SH2D4B: variants seen among roughly 807,000 people sequenced by gnomAD.
SH2D4B encodes the protein SH2 domain containing 4B.
Under a neutral mutation model 61.5 loss-of-function variants are expected in SH2D4B, and 45 were observed. The observed-to-expected ratio is 0.73, with a 90% CI of 0.58 to 0.94. The LOEUF (loss-of-function observed/expected upper bound fraction) is 0.94, where lower values mean the gene tolerates loss of function less well. Ranked by LOEUF, SH2D4B falls within the 40% of genes least tolerant of loss-of-function variation. The pLI is 0.00. For missense variants in SH2D4B, 572 were observed against 574.2 expected (o/e 1.00, Z 0.04); for synonymous variants, 224 against 220.4 (o/e 1.02, Z -0.14).
chr10:80,637,196 G>T (rs1358301741), intron 7 of SH2D4B, among the ~76,000 whole-genome samples: 19 of 152,306 alleles, frequency 1.2e-4, no homozygotes, highest in Non-Finnish European at 2.5e-4. Context: ...CTGTAGCCTT[G>T]TTGTATAGTT....
At chr10:80,616,081 A>G (rs1452057485) in intron 6 of SH2D4B, among the ~76,000 whole-genome samples, 2 of 152,126 alleles carry the variant, frequency 1.3e-5, no homozygotes, top group African/African-American at 4.8e-5. Flanking sequence ...TGCACAAAAG[A>G]AAGATGACAC....
chr10:80,556,887 A>G (rs7897708), intron 1 of SH2D4B, among the ~76,000 whole-genome samples: 7,823 of 152,190 alleles, frequency 0.051, 638 homozygotes, highest in African/African-American at 0.18. Context: ...CACAACTTTT[A>G]TTTAATTTTC....
At chr10:80,632,986 CTG>C (rs1025635229) in intron 6 of SH2D4B, among the ~76,000 whole-genome samples, 7 of 151,764 alleles carry the variant, frequency 4.6e-5, no homozygotes, top group Admixed American at 1.3e-4. Context: ...TAGGTGGCCC[CTG>C]GTTGCGCCAA....
chr10:80,633,174 C>T (rs1368792375), intron 6 of SH2D4B, among the ~76,000 whole-genome samples: 2 of 151,726 alleles, frequency 1.3e-5, no homozygotes, highest in Non-Finnish European at 1.5e-5. Flanking sequence ...GTGTGCTGAG[C>T]CTCTCAGGGT....
At chr10:80,627,320 G>A (rs1055903263) in intron 6 of SH2D4B, among the ~76,000 whole-genome samples, 7 of 152,100 alleles carry the variant, frequency 4.6e-5, no homozygotes, top group African/African-American at 9.7e-5. Flanking sequence ...GTGGCTGTCC[G>A]CTGCCCTCAG....
chr10:80,637,512 T>C (rs529816955), intron 7 of SH2D4B, among the ~76,000 whole-genome samples: 1 of 152,278 alleles, frequency 6.6e-6, no homozygotes, highest in Admixed American at 6.5e-5. Flanking sequence ...CCCTTGTAAA[T>C]TGGATTCCTA....
Position 80,538,627 on chromosome 10 carries a change from T to G in SH2D4B, c.184+112T>G. On this transcript the variant is annotated intron_variant, in intron 1 of 7. Coordinates refer to ENST00000646907, the MANE Select transcript of SH2D4B (RefSeq NM_001388272.1). The surrounding 1 kb of genome is among the most constrained non-coding windows in gnomAD (Gnocchi z 4.8). ...AGATGGGCACTGGGGTGATGAGGGC[T>G]GGGGGCTTGAAACCCTTGTCTTGTG... is the stretch of plus-strand genomic sequence containing the variant. 1 of 939,590 alleles carries G rather than the reference T, an allele frequency of 1.1e-6. No homozygotes were observed. The highest frequency in any genetic ancestry group is 1.4e-6 in the Non-Finnish European group (1 of 701,460). The allele number at this position is 939,590 out of a possible 1,614,324, so 58.2% of individuals were successfully genotyped here. A position where few individuals can be genotyped will look rare whatever the true frequency, so the allele number is the denominator to read the frequency against.
intron 3 of SH2D4B, among the ~76,000 whole-genome samples, chr10:80,575,355 C>T (rs1314756900): frequency 6.6e-6 from 1 of 152,060 alleles, no homozygotes. Context: ...AAACTATTTT[C>T]TGTAAAGGGC....
chr10:80,601,007 T>C (rs1019832729), intron 4 of SH2D4B, among the ~76,000 whole-genome samples: 2 of 152,100 alleles, frequency 1.3e-5, no homozygotes, highest in Admixed American at 6.5e-5. Flanking sequence ...GTTCTTAGGG[T>C]CTGGAACTTA....
chr10:80,540,682 A>G, intron 1 of SH2D4B: 2 of 714,288 alleles, frequency 2.8e-6, no homozygotes, highest in African/African-American at 3.6e-5. Context: ...TTGTTCACTC[A>G]TTCACCAATT....
intron 6 of SH2D4B, among the ~76,000 whole-genome samples, chr10:80,623,032 A>T (rs990881156): frequency 3.9e-5 from 6 of 152,180 alleles, no homozygotes; most frequent in Non-Finnish European, 5.9e-5. Flanking sequence ...CTCCTGCTTC[A>T]GCCTCCCGAG....
At chr10:80,602,088 C>G (rs1842456515) in intron 4 of SH2D4B, among the ~76,000 whole-genome samples, 4 of 152,202 alleles carry the variant, frequency 2.6e-5, no homozygotes, top group Non-Finnish European at 1.5e-5. Context: ...GGTCCCAGAA[C>G]TCCCATTTGA....
chr10:80,588,503 A>G, intron 3 of SH2D4B, 127 bp from the exon 4 acceptor site: 1 of 1,207,152 alleles, frequency 8.3e-7, no homozygotes, highest in Admixed American at 2.3e-5. Flanking sequence ...ACATGTAGGG[A>G]CTGAGGCTGG....
At chr10:80,591,435 G>A (rs1480790466) in intron 4 of SH2D4B, among the ~76,000 whole-genome samples, 3 of 151,538 alleles carry the variant, frequency 2.0e-5, no homozygotes, top group South Asian at 2.1e-4. Context: ...TGCTAGTGGC[G>A]ACTCTTCAGA....
intron 6 of SH2D4B, among the ~76,000 whole-genome samples, chr10:80,629,644 C>T (rs1842807755): frequency 6.6e-6 from 1 of 152,188 alleles, no homozygotes; most frequent in African/African-American, 2.4e-5. Flanking sequence ...GTTTGCAGCA[C>T]TAACACATGT....
At chr10:80,607,943 C>T (rs1374704642) in intron 5 of SH2D4B, among the ~76,000 whole-genome samples, 2 of 152,198 alleles carry the variant, frequency 1.3e-5, no homozygotes, top group Admixed American at 1.3e-4. Context: ...GTTGCCCAGG[C>T]TGGAGTGCAG....
intron 1 of SH2D4B, among the ~76,000 whole-genome samples, chr10:80,555,083 A>G (rs1021777112): frequency 1.3e-5 from 2 of 152,066 alleles, no homozygotes; most frequent in Non-Finnish European, 2.9e-5. Context: ...AACCTACTTA[A>G]GTTGACATAA....
intron 7 of SH2D4B, among the ~76,000 whole-genome samples, chr10:80,640,112 G>A (rs1223198008): frequency 6.6e-6 from 1 of 152,114 alleles, no homozygotes; most frequent in Non-Finnish European, 1.5e-5. Context: ...GTTGAATATT[G>A]GCCCCCACTC....
In SH2D4B at chr10:80,571,765, C is replaced by CT. The variant is rs368517502; in HGVS notation, c.495+197dup. On this transcript the variant is annotated intron_variant, in intron 3 of 7. Coordinates refer to ENST00000646907, the MANE Select transcript of SH2D4B (RefSeq NM_001388272.1). ...CATTTGGGCCAATCCACTTCTGTTT[C>CT]TTTTTTTTTTCTTTTTTTTTTTTTT... Among the ~76,000 whole-genome samples, 3,864 of 143,324 alleles carry CT rather than the reference C, an allele frequency of 0.027. 289 individuals are homozygous for CT. In the East Asian group the frequency reaches 0.32, roughly 12 times the overall value. The allele number at this position is 143,324 out of a possible 152,430, so 94.0% of individuals were successfully genotyped here.
Sources: allele counts gnomAD v4.1 joint callset (sites outside exome capture counted in the v4.1 genomes callset), GRCh38; gene constraint gnomAD v4.1.1; non-coding constraint Gnocchi (gnomAD v3.1); transcripts MANE v1.5; gene names NCBI Gene and HGNC (gene_info 2026-07-23, HGNC 2026-07-21).